TTN: variants seen among roughly 807,000 people sequenced by gnomAD.
TTN encodes the protein titin.
A neutral mutation model predicts 3,223.0 loss-of-function variants in TTN; 1,525 were observed. That is an observed-to-expected ratio of 0.47 (90% CI 0.45 to 0.49). The LOEUF is 0.49. Ranked by LOEUF, TTN falls within the 20% of genes least tolerant of loss-of-function variation. The pLI, the probability that TTN is intolerant of heterozygous loss-of-function variation, is 0.00. For synonymous variants in TTN, 14,094 were observed against 15,161.0 expected (o/e 0.93, Z 5.17); for missense variants, 40,786 against 43,424.0 (o/e 0.94, Z 5.40).
rs2058039119 is a variant in TTN at position 178,620,063 on chromosome 2, A to C, written c.46354T>G (p.Cys15452Gly). 1.2e-6 allele frequency: 2 copies of C among 1,611,934 alleles called. No individual in the cohort carries two copies. The highest frequency in any genetic ancestry group is 2.7e-5 in the African/African-American group (2 of 74,896). Reference protein sequence around the residue: ...GSIHRLIIKDCRLDDECEYAC... With the variant: ...GSIHRLIIKDGRLDDECEYAC... ...TATTCACACTCATCATCCAGCCTGC[A>C]ATCTTTTATAATGAGTCTGTGTATA... Residue 15452 changes from cysteine (C) to glycine (G), a missense_variant, in exon 249 of 363, where the codon TGC (cysteine) becomes GGC (glycine). Transcript: ENST00000589042.
intron 265 of TTN, 56 bp from the exon 266 acceptor site, chr2:178,612,632 G>C (rs1199355097): frequency 1.1e-5 from 17 of 1,558,102 alleles, no homozygotes; most frequent in Non-Finnish European, 1.5e-5. Context: ...CCAATAGTCA[G>C]TCTGAAAGTG....
rs765961683 is a variant in TTN, at chr2:178,653,232, A to G, written c.38791+6T>C. ...TCATCTGAAGCCTAAGGTCAGTGAC[A>G]AATACCTTTAACAGGTGGGACTTCA... On this transcript the variant is annotated splice_donor_region_variant and intron_variant, in intron 198 of 362. Coordinates refer to ENST00000589042, the MANE Select transcript of TTN (RefSeq NM_001267550.2). 28 of 1,611,640 alleles carry G rather than the reference A, an allele frequency of 1.7e-5. No individual in the cohort carries two copies. The highest frequency in any genetic ancestry group is 3.5e-4 in the Middle Eastern group (2 of 5,688).
chr2:178,528,929 C>T lies in TTN; in HGVS notation c.106822G>A (p.Glu35608Lys), dbSNP rs766501757. 6.2e-7 allele frequency: 1 copy of T among 1,614,016 alleles called. No homozygotes were observed. The highest frequency in any genetic ancestry group is 8.5e-7 in the Non-Finnish European group (1 of 1,179,884). ...ATCTGAGTAGAAAATGCTTTAATCT[C>T]AGCATGAGTTCTGACTTCTTCTGAT... Reference protein sequence around the residue: ...QASEEVRTHAEIKAFSTQMSI... With the variant: ...QASEEVRTHAKIKAFSTQMSI... The change falls in exon 360 of 363, where the codon GAG becomes AAG. Residue 35608 changes from glutamate (E) to lysine (K), a missense_variant. Glu to Lys is a moderately conservative substitution (Grantham distance 56). Coordinates refer to ENST00000589042, the MANE Select transcript of TTN (RefSeq NM_001267550.2).
Position 178,782,993 on chromosome 2 carries a change from G to A in TTN, c.2913C>T (p.Ser971=), listed in dbSNP as rs2092910281. The A allele has an allele frequency of 2.5e-6, 4 of 1,614,058 alleles. No individual in the cohort carries two copies. Among genetic ancestry groups the A allele is most frequent in the East Asian group, 4.5e-5 (2 of 44,870 alleles). Residue 971 remains serine (S), a synonymous_variant, in exon 18 of 363, where the codon TCC becomes TCT. Transcript: ENST00000589042. ...TLECHISGYP[S]PTVTWYREDY... ...CTTCCCTGTACCATGTCACTGTCGGGGATGGGTATCCAGAGATGTGGCACT... is the reference window on the plus strand; with the variant it reads ...CTTCCCTGTACCATGTCACTGTCGGAGATGGGTATCCAGAGATGTGGCACT...
Position 178,685,265 on chromosome 2 carries a change from G to A in TTN, c.32458C>T (p.Pro10820Ser). Residue 10820 changes from proline (P) to serine (S), a missense_variant, in exon 129 of 363, where the codon CCA becomes TCA. Coordinates refer to ENST00000589042, the MANE Select transcript of TTN (RefSeq NM_001267550.2). The stretch of plus-strand genomic sequence containing the variant: ...AAAGAAATCATACCTTTAGCCGGTG[G>A]AGGCTCCTCTATTTTAGCAGGAATT... ...PKIPAKIEEP[P>S]PAKVPEAPKK... 6.5e-7 allele frequency: 1 copy of A among 1,549,350 alleles called. No individual in the cohort carries two copies. The highest frequency in any genetic ancestry group is 2.4e-5 in the East Asian group (1 of 41,250).
chr2:178,676,530 G>A (rs1222540975), intron 147 of TTN, among the ~76,000 whole-genome samples: 1 of 151,694 alleles, frequency 6.6e-6, no homozygotes, highest in Non-Finnish European at 1.5e-5. Context: ...GTTAAATCTG[G>A]ATACTATTCA....
At position 178,580,119 on chromosome 2, in the gene TTN, CAT is replaced by C. The variant is rs1476017129; in HGVS notation, c.67166_67167del (p.Tyr22389CysfsTer6). On this transcript the variant is annotated frameshift_variant, in exon 318 of 363. Coordinates refer to ENST00000589042, the MANE Select transcript of TTN (RefSeq NM_001267550.2). LOFTEE classifies it high-confidence loss of function. ...IIDGGSPIIN[Y>X]VVQKRDAERK... ...CTCTCTGCATCACGTTTTTGTACCA[CAT>C]AGTTTATGATGGGGCTTCCGCCATC... 6.2e-7 allele frequency: 1 copy of C among 1,613,262 alleles called. No individual in the cohort carries two copies. Among genetic ancestry groups the C allele is most frequent in the Non-Finnish European group, 8.5e-7 (1 of 1,179,514 alleles).
intron 46 of TTN, chr2:178,754,156 T>C (rs1405642594): frequency 1.3e-5 from 2 of 152,144 alleles, no homozygotes; most frequent in Admixed American, 6.6e-5. Flanking sequence ...GATATGTTTA[T>C]GTTTATTATG....
rs761927325 is a variant in TTN, at chr2:178,669,724, T to C, written c.35387-49A>G. 3 of 1,586,220 alleles carry C rather than the reference T, an allele frequency of 1.9e-6. No homozygotes were observed. In the South Asian group the frequency reaches 3.3e-5, roughly 18 times the overall value. On this transcript the variant is annotated intron_variant, in intron 157 of 362. Transcript: ENST00000589042. ...ATTTTTTCAGAACATTATAGTTGGG[T>C]GTAAACATAGCAAGCCTAGAAGGGG...
chr2:178,581,995 T>C lies in TTN; in HGVS notation c.66374A>G (p.Glu22125Gly). The C allele has an allele frequency of 6.2e-7, 1 of 1,613,364 alleles. No homozygotes were observed. The highest frequency in any genetic ancestry group is 8.5e-7 in the Non-Finnish European group (1 of 1,179,506). Reference sequence around the variant, plus strand: ...TATAGCTGTAACACGGAACTCATATTCGGTACCTTCTTGAAGACCTGTTGC... The same window carrying C: ...TATAGCTGTAACACGGAACTCATATCCGGTACCTTCTTGAAGACCTGTTGC... Reference protein sequence around the residue: ...LKATGLQEGTEYEFRVTAINK... With the variant: ...LKATGLQEGTGYEFRVTAINK... The change falls in exon 315 of 363, where the codon GAA (glutamate) becomes GGA (glycine). Residue 22125 changes from glutamate to glycine, a missense_variant. Glu to Gly is a moderately conservative substitution (Grantham distance 98). Coordinates refer to ENST00000589042, the MANE Select transcript of TTN (RefSeq NM_001267550.2).
chr2:178,802,221 G>T lies in TTN; in HGVS notation c.212C>A (p.Thr71Asn). 6.2e-7 allele frequency: 1 copy of T among 1,614,124 alleles called. No homozygotes were observed. Among genetic ancestry groups the T allele is most frequent in the Non-Finnish European group, 8.5e-7 (1 of 1,179,972 alleles). The change falls in exon 3 of 363, where the codon ACT becomes AAT. Residue 71 changes from threonine (T) to asparagine (N), a missense_variant. Thr to Asn is a moderately conservative substitution (Grantham distance 65, BLOSUM62 0). Transcript: ENST00000589042. ...GRAKLTIPAV[T>N]KANSGRYSLK... Reference sequence around the variant, plus strand: ...GGAATATCGTCCACTGTTGGCTTTAGTCACGGCGGGGATCGTCAGTTTAGC... The same window carrying T: ...GGAATATCGTCCACTGTTGGCTTTATTCACGGCGGGGATCGTCAGTTTAGC...
rs771317997 is a variant in TTN, at chr2:178,728,861, AC to A, written c.19147+29del. On this transcript the variant is annotated intron_variant, in intron 65 of 362. Coordinates refer to ENST00000589042, the MANE Select transcript of TTN (RefSeq NM_001267550.2). Reference sequence around the variant, plus strand: ...TCTGCTAATGAAACTGTCGCTATAGACTATCTTTGAAAGAGAATAGCTTACA... The same window carrying A: ...TCTGCTAATGAAACTGTCGCTATAGATATCTTTGAAAGAGAATAGCTTACA... 3.2e-6 allele frequency: 5 copies of A among 1,575,558 alleles called. No individual in the cohort carries two copies. In the South Asian group the frequency reaches 5.9e-5, roughly 19 times the overall value.
At chr2:178,538,013 A>G in intron 354 of TTN, 96 bp from the exon 355 acceptor site, 1 of 1,109,452 alleles carries the variant, frequency 9.0e-7, no homozygotes. Context: ...TTATTTACTG[A>G]CACATACCAT....
intron 257 of TTN, among the ~76,000 whole-genome samples, chr2:178,616,248 T>A (rs1050196749): frequency 1.3e-5 from 2 of 151,832 alleles, no homozygotes; most frequent in African/African-American, 4.8e-5. Flanking sequence ...TTTTTTTTTT[T>A]ATTACAAATT....
chr2:178,550,860 C>A, intron 336 of TTN, 107 bp downstream of exon 336: 1 of 1,012,028 alleles, frequency 9.9e-7, no homozygotes, highest in Non-Finnish European at 1.4e-6. Context: ...CACTTAGCAA[C>A]CTTGGGTAAT....
At chr2:178,592,318 C>A in intron 301 of TTN, 41 bp from the exon 302 acceptor site, 2 of 1,598,908 alleles carry the variant, frequency 1.3e-6, no homozygotes, top group South Asian at 2.3e-5. Flanking sequence ...TAATTTTATC[C>A]ATATAAGAGC....
At position 178,785,714 on chromosome 2, in the gene TTN, T is replaced by G; in HGVS notation, c.2399A>C (p.Glu800Ala). 1 of 1,614,186 alleles carries G rather than the reference T, an allele frequency of 6.2e-7. No homozygotes were observed. Among genetic ancestry groups the G allele is most frequent in the Non-Finnish European group, 8.5e-7 (1 of 1,180,012 alleles). Residue 800 changes from glutamate to alanine, a missense_variant, in exon 15 of 363, where the codon GAA becomes GCA. Transcript: ENST00000589042. The stretch of plus-strand genomic sequence containing the variant: ...GCGTTTATCCACATGGACTAATCTT[T>G]CCGTTGTTAGATCTGTAGTTTTCTT... Reference protein sequence around the residue: ...QIKKTTDLTTERLVHVDKRPR... With the variant: ...QIKKTTDLTTARLVHVDKRPR...
rs774229828 is a variant in TTN, at chr2:178,613,028, T to C, written c.49693A>G (p.Lys16565Glu). 1 of 1,612,806 alleles carries C rather than the reference T, an allele frequency of 6.2e-7. No homozygotes were observed. The highest frequency in any genetic ancestry group is 8.5e-7 in the Non-Finnish European group (1 of 1,179,256). ...PGKPTVKDVG[K>E]TSVRLNWTKP... ...GTCCAATTCAACCTTACTGATGTTT[T>C]GCCTACATCTTTTACAGTTGGTTTT... The change falls in exon 265 of 363, where the codon AAA becomes GAA. Residue 16565 changes from lysine (K) to glutamate (E), a missense_variant. Physicochemically the swap from Lys to Glu is moderately conservative, Grantham distance 56. Coordinates refer to ENST00000589042, the MANE Select transcript of TTN (RefSeq NM_001267550.2).
chr2:178,720,136 T>G lies in TTN; in HGVS notation c.23506A>C (p.Ile7836Leu), dbSNP rs1312879712. ...ATCCTGGTATTTTCACTCTCTCTGA[T>G]GACTTCACCTCTATCTTTCAGCCAG... ...VVWLKDRGEV[I>L]RESENTRISF... is the part of the protein sequence containing the mutation. Residue 7836 changes from isoleucine (I) to leucine (L), a missense_variant, in exon 81 of 363, where the codon ATC becomes CTC. Physicochemically the swap from Ile to Leu is conservative, Grantham distance 5. Coordinates refer to ENST00000589042, the MANE Select transcript of TTN (RefSeq NM_001267550.2). 1.9e-6 allele frequency: 3 copies of G among 1,613,698 alleles called. No homozygotes were observed. Among genetic ancestry groups the G allele is most frequent in the Non-Finnish European group, 2.5e-6 (3 of 1,179,726 alleles).
Sources: gnomAD v4.1 joint callset for allele counts (sites outside exome capture counted in the v4.1 genomes callset) on GRCh38, gnomAD v4.1.1 for gene constraint, MANE v1.5 for transcripts, NCBI Gene and HGNC (gene_info 2026-07-23, HGNC 2026-07-21) for gene names.